ATG7: variants seen among roughly 807,000 people sequenced by gnomAD.
ATG7 encodes autophagy related 7.
In ATG7, 70 loss-of-function variants were observed where a neutral mutation model predicts 82.4. The ratio of observed to expected loss-of-function variants is 0.85; its 90% confidence interval spans 0.70 to 1.04. The LOEUF is 1.04. ATG7 is among the 50% of genes least tolerant of loss of function. ATG7 has a pLI of 0.00. For missense variants in ATG7, 792 were observed against 864.3 expected (o/e 0.92, Z 1.05); for synonymous variants, 287 against 313.0 (o/e 0.92, Z 0.88).
chr3:11,423,531 A>C (rs1340518601), intron 19 of ATG7, among the ~76,000 whole-genome samples: 1 of 152,138 alleles, frequency 6.6e-6, no homozygotes, highest in Non-Finnish European at 1.5e-5. Flanking sequence ...AAGATCACTT[A>C]ATTTCAGTGG....
intron 20 of ATG7, among the ~76,000 whole-genome samples, chr3:11,466,900 C>T (rs556083778): frequency 5.3e-5 from 8 of 152,170 alleles, no homozygotes; most frequent in South Asian, 2.1e-4. Context: ...GAGGCCGAGG[C>T]GGGCAGATCA....
At chr3:11,336,365 T>C (rs574307125) in intron 11 of ATG7, among the ~76,000 whole-genome samples, 27 of 152,152 alleles carry the variant, frequency 1.8e-4, no homozygotes, top group Admixed American at 7.2e-4. Flanking sequence ...AACCACACCG[T>C]ACATTTCCAT....
intron 13 of ATG7, among the ~76,000 whole-genome samples, chr3:11,345,603 C>A (rs1023919141): frequency 6.6e-6 from 1 of 152,078 alleles, no homozygotes; most frequent in African/African-American, 2.4e-5. Context: ...AAAATCTTTT[C>A]ATATTCCTAA....
intron 20 of ATG7, chr3:11,510,433 C>T (rs1308647864): frequency 5.4e-5 from 20 of 368,078 alleles, no homozygotes; most frequent in Non-Finnish European, 7.0e-5. Context: ...GGGCCTCATT[C>T]GAGGTCTTCT....
intron 20 of ATG7, among the ~76,000 whole-genome samples, chr3:11,464,477 C>T (rs544500633): frequency 6.6e-6 from 1 of 152,314 alleles, no homozygotes; most frequent in Non-Finnish European, 1.5e-5. Flanking sequence ...CGGTAAAGTA[C>T]GGGGGGAGGC....
intron 20 of ATG7, among the ~76,000 whole-genome samples, chr3:11,443,317 T>C (rs1369062579): frequency 6.6e-6 from 1 of 152,204 alleles, no homozygotes; most frequent in Non-Finnish European, 1.5e-5. Context: ...CACTCCTTAC[T>C]ACTAAGGCTG....
At chr3:11,405,939 T>C (rs1466354820) in intron 19 of ATG7, among the ~76,000 whole-genome samples, 2 of 151,974 alleles carry the variant, frequency 1.3e-5, no homozygotes, top group African/African-American at 2.4e-5. Context: ...ATGTGTAGCA[T>C]TTCTCTTTCC....
chr3:11,294,380 C>T (rs969974292), intron 3 of ATG7, among the ~76,000 whole-genome samples: 3 of 121,130 alleles, frequency 2.5e-5, no homozygotes, highest in African/African-American at 8.0e-5. Context: ...TCCACTACAC[C>T]CGGCTAATTT....
intron 19 of ATG7, among the ~76,000 whole-genome samples, chr3:11,426,410 C>CT (rs559137740): frequency 5.3e-5 from 8 of 152,234 alleles, no homozygotes; most frequent in Middle Eastern, 3.4e-3. Flanking sequence ...GTATGTCACA[C>CT]TTTTTTGACA....
At chr3:11,417,353 CTGT>C (rs2081459046) in intron 19 of ATG7, among the ~76,000 whole-genome samples, 1 of 152,154 alleles carries the variant, frequency 6.6e-6, no homozygotes, top group South Asian at 2.1e-4. Context: ...TTTTGATGCA[CTGT>C]TGTTAAGTAC....
chr3:11,346,453 A>G (rs968866431), intron 13 of ATG7: 5 of 152,190 alleles, frequency 3.3e-5, no homozygotes, highest in Admixed American at 6.5e-5. Flanking sequence ...AACATTCTCA[A>G]TCAGTAGGAT....
intron 20 of ATG7, among the ~76,000 whole-genome samples, chr3:11,531,132 T>A (rs2092686549): frequency 6.6e-6 from 1 of 152,200 alleles, no homozygotes; most frequent in Admixed American, 6.5e-5. Context: ...AGAGAAGTTA[T>A]TCTCCTGCCT....
At chr3:11,397,427 A>G (rs1478803630) in intron 19 of ATG7, among the ~76,000 whole-genome samples, 1 of 2,132 alleles carries the variant, frequency 4.7e-4, no homozygotes, top group South Asian at 0.024. Context: ...TCTATAAAAT[A>G]TATAAAAAAT....
At chr3:11,347,565 A>T (rs188325955) in intron 13 of ATG7, among the ~76,000 whole-genome samples, 1 of 152,228 alleles carries the variant, frequency 6.6e-6, no homozygotes, top group Non-Finnish European at 1.5e-5. Context: ...AAACAACAAC[A>T]TAGACAATTC....
intron 19 of ATG7, among the ~76,000 whole-genome samples, chr3:11,425,310 C>G (rs912559795): frequency 1.3e-5 from 2 of 152,110 alleles, no homozygotes; most frequent in African/African-American, 4.8e-5. Context: ...TCTTTGTGCC[C>G]ATGTACAGCT....
Position 11,275,765 on chromosome 3 carries a change from A to C in ATG7, c.-366+3335A>C, listed in dbSNP as rs533787076. On this transcript the variant is annotated intron_variant, in intron 1 of 20. Transcript: ENST00000693202. ...GGTGCTGCTCTGTTAATTGGTAGTC[A>C]GTAGGTATTACCATGATCTTGGCAG... Among the ~76,000 whole-genome samples, 18 of 152,278 alleles carry C rather than the reference A, an allele frequency of 1.2e-4. No homozygotes were observed. The South Asian group carries it at 3.5e-3, about 30-fold the overall frequency.
intron 19 of ATG7, among the ~76,000 whole-genome samples, chr3:11,413,556 G>C (rs1055716017): frequency 1.3e-5 from 2 of 151,904 alleles, no homozygotes; most frequent in African/African-American, 4.8e-5. Flanking sequence ...CTAATATGTA[G>C]AAAACTGTAA....
At chr3:11,363,138 G>A (rs1453947524) in intron 17 of ATG7, 3 of 526,258 alleles carry the variant, frequency 5.7e-6, no homozygotes, top group African/African-American at 1.9e-5. Flanking sequence ...GCATCTTTCC[G>A]GACAAAGTCA....
chr3:11,403,095 T>C (rs1196991861), intron 19 of ATG7, among the ~76,000 whole-genome samples: 1 of 152,232 alleles, frequency 6.6e-6, no homozygotes, highest in Non-Finnish European at 1.5e-5. Flanking sequence ...ATGTTGATGC[T>C]ATGGATCTAA....
Sources: allele counts gnomAD v4.1 joint callset (sites outside exome capture counted in the v4.1 genomes callset), GRCh38; gene constraint gnomAD v4.1.1; transcripts MANE v1.5; gene names NCBI Gene and HGNC (gene_info 2026-07-23, HGNC 2026-07-21).